RNF2: variants seen among roughly 807,000 people sequenced by gnomAD.
RNF2 encodes the protein E3 ubiquitin-protein ligase RING2.
RNF2 carries 6 observed loss-of-function variants against 37.2 expected under a neutral mutation model. The ratio of observed to expected loss-of-function variants is 0.16; its 90% CI spans 0.09 to 0.32. The LOEUF is 0.32. Ranked by LOEUF, RNF2 falls within the 10% of genes least tolerant of loss-of-function variation. The pLI is 1.00. For synonymous variants in RNF2, 133 were observed against 132.7 expected (o/e 1.00, Z -0.02); for missense variants, 251 against 404.0 (o/e 0.62, Z 3.25).
chr1:185,073,940 G>A (rs1270131200), intron 1 of RNF2, among the ~76,000 whole-genome samples: 1 of 152,166 alleles, frequency 6.6e-6, no homozygotes, highest in Non-Finnish European at 1.5e-5. Context: ...TCCCACAAGA[G>A]ACTGCCTCCA....
chr1:185,067,160 C>A (rs1164070519), intron 1 of RNF2, among the ~76,000 whole-genome samples: 1 of 152,136 alleles, frequency 6.6e-6, no homozygotes, highest in Non-Finnish European at 1.5e-5. Context: ...AGCTATTAGG[C>A]TACCAAGAGT....
At chr1:185,048,781 T>C (rs1290783982) in intron 1 of RNF2, among the ~76,000 whole-genome samples, 1 of 152,092 alleles carries the variant, frequency 6.6e-6, no homozygotes, top group East Asian at 1.9e-4. Context: ...AAAAAAATCA[T>C]GCTTGAAAAT....
chr1:185,070,857 C>T (rs562437077), intron 1 of RNF2, among the ~76,000 whole-genome samples: 5 of 152,118 alleles, frequency 3.3e-5, no homozygotes, highest in East Asian at 1.9e-4. Flanking sequence ...GGGATGGTCT[C>T]GATTTCCTGA....
In RNF2 at chr1:185,100,389, A is replaced by C; in HGVS notation, c.*88A>C. The C allele has an allele frequency of 1.3e-6, 1 of 761,040 alleles. No individual in the cohort carries two copies. Among genetic ancestry groups the C allele is most frequent in the South Asian group, 2.1e-5 (1 of 47,636 alleles). The allele number at this position is 761,040 out of a possible 1,614,324, so 47.1% of individuals were successfully genotyped here. On this transcript the variant is annotated 3_prime_UTR_variant, in exon 7 of 7. Transcript: ENST00000367510. ...GTACTGGCATTACTTTTATGGACAG[A>C]TCTTGGATATGTTGTTCAATTTTCT...
chr1:185,051,210 C>CTA (rs1320501979), intron 1 of RNF2, among the ~76,000 whole-genome samples: 6 of 152,138 alleles, frequency 3.9e-5, no homozygotes, highest in Non-Finnish European at 8.8e-5. Flanking sequence ...ACACTGTTTG[C>CTA]TATATAGAGT....
chr1:185,099,980 T>A lies in RNF2; in HGVS notation c.909+18T>A, dbSNP rs112474141. 3 of 1,598,144 alleles carry A rather than the reference T, an allele frequency of 1.9e-6. No individual in the cohort carries two copies. Among genetic ancestry groups the A allele is most frequent in the African/African-American group, 2.7e-5 (2 of 74,644 alleles). On this transcript the variant is annotated intron_variant, in intron 6 of 6. Transcript: ENST00000367510. ...AGTTCACTGTGAGTATTTAAAATAA[T>A]AGACTGTTGAAACTGGGAGCACACT...
At chr1:185,092,922 A>G (rs1651810917) in intron 3 of RNF2, 139 bp from the exon 4 acceptor site, 2 of 776,782 alleles carry the variant, frequency 2.6e-6, no homozygotes, top group Non-Finnish European at 4.1e-6. Context: ...AAGGAAATTC[A>G]GGATAATTGG....
chr1:185,063,476 G>T (rs1650672208), intron 1 of RNF2, among the ~76,000 whole-genome samples: 1 of 152,142 alleles, frequency 6.6e-6, no homozygotes, highest in African/African-American at 2.4e-5. Flanking sequence ...TTTGGCAGAA[G>T]ATAAGACTAT....
rs568338814 is a variant in RNF2 at position 185,085,789 on chromosome 1, G to C, written c.-2-1763G>C. 6.8e-4 allele frequency among the ~76,000 whole-genome samples: 104 copies of C among 152,190 alleles called. No individual in the cohort carries two copies. The Middle Eastern group carries it at 0.01, about 15-fold the overall frequency. Reference sequence around the variant, plus strand: ...CTACCTCATCCTCCCGCATAGCTGGGATTACAGACGCGCACCACCACACCC... The same window carrying C: ...CTACCTCATCCTCCCGCATAGCTGGCATTACAGACGCGCACCACCACACCC... On this transcript the variant is annotated intron_variant, in intron 1 of 6. Coordinates refer to ENST00000367510, the MANE Select transcript of RNF2 (RefSeq NM_007212.4).
At chr1:185,054,677 C>T (rs573897932) in intron 1 of RNF2, among the ~76,000 whole-genome samples, 3 of 152,072 alleles carry the variant, frequency 2.0e-5, no homozygotes, top group Non-Finnish European at 4.4e-5. Flanking sequence ...TTTAATCTTT[C>T]TTTGTGGGTT....
chr1:185,093,012 C>T (rs769314033), intron 3 of RNF2, 49 bp from the exon 4 acceptor site: 2 of 1,547,818 alleles, frequency 1.3e-6, no homozygotes, highest in South Asian at 2.2e-5. Context: ...TGTCTTTAGC[C>T]CAAAGATACT....
At chr1:185,084,888 C>T (rs892607802) in intron 1 of RNF2, among the ~76,000 whole-genome samples, 5 of 152,142 alleles carry the variant, frequency 3.3e-5, no homozygotes, top group African/African-American at 1.2e-4. Context: ...AATAATCAAA[C>T]TCTGTGATTA....
chr1:185,052,670 A>G (rs781209405), intron 1 of RNF2, among the ~76,000 whole-genome samples: 2 of 152,236 alleles, frequency 1.3e-5, no homozygotes, highest in Non-Finnish European at 2.9e-5. Flanking sequence ...CTAAATGTTC[A>G]ATTTAAAATG....
intron 1 of RNF2, among the ~76,000 whole-genome samples, chr1:185,054,306 C>T (rs558874508): frequency 6.6e-6 from 1 of 152,256 alleles, no homozygotes; most frequent in Admixed American, 6.5e-5. Context: ...AAGGAAATGG[C>T]GGCTTAAGTT....
intron 2 of RNF2, among the ~76,000 whole-genome samples, chr1:185,089,368 T>C (rs1421549249): frequency 1.3e-5 from 2 of 152,174 alleles, no homozygotes; most frequent in African/African-American, 4.8e-5. Flanking sequence ...TATGCAAACA[T>C]CATGCCATTT....
intron 1 of RNF2, among the ~76,000 whole-genome samples, chr1:185,060,534 G>A (rs1396508530): frequency 1.3e-5 from 2 of 152,164 alleles, no homozygotes; most frequent in Non-Finnish European, 2.9e-5. Context: ...TTGGTCTGAG[G>A]GCACTCGGAG....
At chr1:185,079,309 A>G (rs1248900988) in intron 1 of RNF2, among the ~76,000 whole-genome samples, 1 of 152,128 alleles carries the variant, frequency 6.6e-6, no homozygotes, top group Non-Finnish European at 1.5e-5. Flanking sequence ...CTGTTGTTCT[A>G]GACTAGCCTC....
At chr1:185,097,873 A>AT (rs1651956941) in intron 4 of RNF2, among the ~76,000 whole-genome samples, 199 bp from the exon 5 acceptor site, 1 of 152,244 alleles carries the variant, frequency 6.6e-6, no homozygotes, top group Non-Finnish European at 1.5e-5. Context: ...TCGTTAAATT[A>AT]TTTAAATGTT....
In RNF2 at chr1:185,066,193, G is replaced by A. The variant is rs534269227; in HGVS notation, c.-3+20544G>A. On this transcript the variant is annotated intron_variant, in intron 1 of 6. Coordinates refer to ENST00000367510, the MANE Select transcript of RNF2 (RefSeq NM_007212.4). Reference sequence around the variant, plus strand: ...ACTGTTGGCCAAAGGTGATCTCTTCGTCATTGCACTGTGGATCTTTCTTGA... The same window carrying A: ...ACTGTTGGCCAAAGGTGATCTCTTCATCATTGCACTGTGGATCTTTCTTGA... Among the ~76,000 whole-genome samples the A allele has an allele frequency of 1.7e-3, 257 of 152,122 alleles. 2 individuals are homozygous for A. The highest frequency in any genetic ancestry group is 5.8e-3 in the African/African-American group (242 of 41,474).
Sources: gnomAD v4.1 joint callset for allele counts (sites outside exome capture counted in the v4.1 genomes callset) on GRCh38, gnomAD v4.1.1 for gene constraint, MANE v1.5 for transcripts, NCBI Gene and HGNC (gene_info 2026-07-23, HGNC 2026-07-21) for gene names.